The following TENM3 variants were observed in gnomAD, a reference collection of about 807,000 sequenced individuals.
TENM3 encodes the protein teneurin-3.
Under a neutral mutation model 255.1 loss-of-function variants are expected in TENM3, and 63 were observed. The observed-to-expected ratio is 0.25, with a 90% CI of 0.20 to 0.30. The LOEUF (loss-of-function observed/expected upper bound fraction) is 0.30, where lower values mean the gene tolerates loss of function less well. Among genes scored for constraint, TENM3 ranks in the 10% least tolerant of loss-of-function variants. The pLI, the probability that TENM3 is intolerant of heterozygous loss-of-function variation, is 1.00. For synonymous variants in TENM3, 1,306 were observed against 1,322.3 expected (o/e 0.99, Z 0.27); for missense variants, 2,929 against 3,461.1 (o/e 0.85, Z 3.86).
chr4:182,735,070 G>A (rs1761059985), intron 16 of TENM3, among the ~76,000 whole-genome samples: 1 of 152,106 alleles, frequency 6.6e-6, no homozygotes, highest in Admixed American at 6.5e-5. Context: ...GGAGAACAAT[G>A]AGTTATCTTT....
the TENM3 span, among the ~76,000 whole-genome samples, chr4:182,061,688 G>A: frequency 2.6e-5 from 4 of 152,140 alleles, no homozygotes; most frequent in African/African-American, 9.7e-5. Context: ...GCTGGGCGTG[G>A]CTGCTCACGC....
the TENM3 span, among the ~76,000 whole-genome samples, chr4:181,949,525 C>T: frequency 6.6e-6 from 1 of 152,170 alleles, no homozygotes; most frequent in African/African-American, 2.4e-5. Flanking sequence ...ACCTCCCTTT[C>T]TTTCACCTGC....
At chr4:181,598,946 T>C in the TENM3 span, among the ~76,000 whole-genome samples, 1 of 152,342 alleles carries the variant, frequency 6.6e-6, no homozygotes, top group Admixed American at 6.5e-5. Flanking sequence ...AAATTTTCTG[T>C]CTTCTTTTAC....
At chr4:182,557,294 TC>T (rs1268126047) in intron 3 of TENM3, among the ~76,000 whole-genome samples, 1 of 152,208 alleles carries the variant, frequency 6.6e-6, no homozygotes, top group East Asian at 1.9e-4. Context: ...TATTTATTGT[TC>T]CTGTCCAACT....
chr4:182,449,034 A>C (rs1430197496), intron 3 of TENM3: 1 of 384,792 alleles, frequency 2.6e-6, no homozygotes, highest in South Asian at 1.7e-5. Flanking sequence ...GCAACTTGGC[A>C]GCGCTGGGCT....
At chr4:181,801,900 C>G in the TENM3 span, among the ~76,000 whole-genome samples, 2 of 151,780 alleles carry the variant, frequency 1.3e-5, no homozygotes, top group Non-Finnish European at 2.9e-5. Context: ...CTTTTTTGAA[C>G]TTTGTCCTTG....
chr4:182,724,358 C>T (rs992912026), intron 13 of TENM3, among the ~76,000 whole-genome samples: 5 of 152,104 alleles, frequency 3.3e-5, no homozygotes, highest in South Asian at 2.1e-4. Context: ...CCTTAGCTGC[C>T]GTATAAATAC....
chr4:181,831,993 T>TGTGC, the TENM3 span, among the ~76,000 whole-genome samples: 2 of 148,042 alleles, frequency 1.4e-5, no homozygotes, highest in African/African-American at 5.2e-5. Flanking sequence ...TGTGTGTGTG[T>TGTGC]GTGTGTGTGT....
intron 24 of TENM3, among the ~76,000 whole-genome samples, chr4:182,783,311 A>G (rs1765335488): frequency 1.3e-5 from 2 of 151,386 alleles, no homozygotes; most frequent in Admixed American, 1.3e-4. Context: ...TCCTTCGCTT[A>G]TGAAGCTTAG....
chr4:182,452,499 T>G (rs930391745), intron 3 of TENM3, among the ~76,000 whole-genome samples: 1 of 152,062 alleles, frequency 6.6e-6, no homozygotes, highest in African/African-American at 2.4e-5. Context: ...GAGAAAGGAA[T>G]GAAAGGATAA....
intron 3 of TENM3, among the ~76,000 whole-genome samples, chr4:182,369,324 C>A (rs999810125): frequency 6.6e-6 from 1 of 152,172 alleles, no homozygotes; most frequent in African/African-American, 2.4e-5. Flanking sequence ...AATCTAAATA[C>A]CCTGCTAAGG....
At chr4:182,704,518 C>A (rs1191583251) in intron 12 of TENM3, among the ~76,000 whole-genome samples, 1 of 152,182 alleles carries the variant, frequency 6.6e-6, no homozygotes, top group Non-Finnish European at 1.5e-5. Flanking sequence ...CAAAGCAGCT[C>A]TTCCATAGAA....
intron 3 of TENM3, among the ~76,000 whole-genome samples, chr4:182,422,300 A>G (rs1770895627): frequency 6.6e-6 from 1 of 152,214 alleles, no homozygotes; most frequent in Non-Finnish European, 1.5e-5. Context: ...CGGCATCATG[A>G]AATGAAGTTG....
chr4:181,947,467 A>C, the TENM3 span, among the ~76,000 whole-genome samples: 1 of 152,128 alleles, frequency 6.6e-6, no homozygotes, highest in Non-Finnish European at 1.5e-5. Flanking sequence ...ATCTGTCTCT[A>C]TTCTTCCCGT....
intron 1 of TENM3, among the ~76,000 whole-genome samples, chr4:182,261,165 C>T (rs952596603): frequency 2.6e-5 from 4 of 152,186 alleles, no homozygotes; most frequent in African/African-American, 9.7e-5. Context: ...TGAGCCACCG[C>T]GCCTGGCCTA....
At chr4:182,250,159 T>C (rs113284270) in intron 1 of TENM3, among the ~76,000 whole-genome samples, 52 of 151,110 alleles carry the variant, frequency 3.4e-4, no homozygotes, top group African/African-American at 1.1e-3. Flanking sequence ...TTCACGCCAT[T>C]CTCCTGCCTC....
chr4:181,867,056 C>T, the TENM3 span, among the ~76,000 whole-genome samples: 1,094 of 152,280 alleles, frequency 7.2e-3, 5 homozygotes, highest in Non-Finnish European at 0.011. Flanking sequence ...TCTCATCATG[C>T]ATTATTATAA....
At chr4:181,706,024 C>A in the TENM3 span, among the ~76,000 whole-genome samples, 1,234 of 152,302 alleles carry the variant, frequency 8.1e-3, 14 homozygotes, top group Middle Eastern at 0.037. Flanking sequence ...ATGGCTTAAA[C>A]AACAGACATT....
the TENM3 span, among the ~76,000 whole-genome samples, chr4:182,065,361 G>T: frequency 1.3e-5 from 2 of 152,146 alleles, 1 homozygote; most frequent in South Asian, 4.1e-4. Context: ...AAAGAAAAGA[G>T]GTTTAATTGG....
Sources: allele counts gnomAD v4.1 joint callset (sites outside exome capture counted in the v4.1 genomes callset), GRCh38; gene constraint gnomAD v4.1.1; transcripts MANE v1.5; gene names NCBI Gene and HGNC (gene_info 2026-07-23, HGNC 2026-07-21).